CNTN5: variants seen among roughly 807,000 people sequenced by gnomAD.
CNTN5 encodes contactin 5.
In CNTN5, 77 loss-of-function variants were observed where a neutral mutation model predicts 129.1. The observed-to-expected ratio is 0.60, with a 90% CI of 0.50 to 0.72. CNTN5 has a LOEUF of 0.72. Ranked by LOEUF, CNTN5 falls within the 30% of genes least tolerant of loss-of-function variation. The pLI, the probability that CNTN5 is intolerant of heterozygous loss-of-function variation, is 0.00. For missense variants in CNTN5, 1,478 were observed against 1,328.8 expected, an observed-to-expected ratio of 1.11 and a Z score of -1.75; for synonymous variants, 509 against 465.6, an observed-to-expected ratio of 1.09 and a Z score of -1.20.
chr11:99,692,557 G>T (rs1340813688), intron 3 of CNTN5, among the ~76,000 whole-genome samples: 1 of 151,804 alleles, frequency 6.6e-6, no homozygotes, highest in Admixed American at 6.6e-5. Flanking sequence ...TTGAATATTT[G>T]CCCTCAATCT....
At chr11:99,327,605 T>A (rs997680229) in intron 2 of CNTN5, among the ~76,000 whole-genome samples, 1 of 152,128 alleles carries the variant, frequency 6.6e-6, no homozygotes, top group Non-Finnish European at 1.5e-5. Context: ...TTGAAGCAAA[T>A]GAGACAAACT....
chr11:100,067,858 A>C (rs1943756246), intron 10 of CNTN5, among the ~76,000 whole-genome samples: 1 of 152,062 alleles, frequency 6.6e-6, no homozygotes, highest in African/African-American at 2.4e-5. Flanking sequence ...GAAAGGAAGG[A>C]AAAAATTAAT....
At chr11:99,720,885 G>C (rs768949077) in intron 3 of CNTN5, among the ~76,000 whole-genome samples, 2 of 152,080 alleles carry the variant, frequency 1.3e-5, no homozygotes, top group Non-Finnish European at 2.9e-5. Context: ...TATCAGAGAA[G>C]CAATCCCATT....
rs192134575 is a variant in CNTN5, at chr11:100,272,711, A to G, written c.2314+1470A>G. On this transcript the variant is annotated intron_variant, in intron 18 of 24. Transcript: ENST00000524871. Reference sequence around the variant, plus strand: ...ATTGGGGGAAAACGTTGGGACCCCTACGCGGGGCTACAGCACACCCGGATT... The same window carrying G: ...ATTGGGGGAAAACGTTGGGACCCCTGCGCGGGGCTACAGCACACCCGGATT... Among the ~76,000 whole-genome samples, 408 of 152,242 alleles carry G rather than the reference A, an allele frequency of 2.7e-3. 2 individuals carry two copies. Among genetic ancestry groups the G allele is most frequent in the African/African-American group, 9.4e-3 (389 of 41,536 alleles).
chr11:100,034,833 G>A (rs531818360), intron 9 of CNTN5, among the ~76,000 whole-genome samples: 9 of 152,198 alleles, frequency 5.9e-5, no homozygotes, highest in East Asian at 3.9e-4. Context: ...ACACTTCAAC[G>A]TTTTCAGTAA....
intron 3 of CNTN5, among the ~76,000 whole-genome samples, chr11:99,768,657 A>G (rs982802594): frequency 1.7e-4 from 26 of 152,094 alleles, no homozygotes; most frequent in Non-Finnish European, 1.5e-5. Context: ...AACTATTTTG[A>G]TAAAAAATGT....
intron 2 of CNTN5, among the ~76,000 whole-genome samples, chr11:99,363,075 A>G (rs1272386650): frequency 6.6e-6 from 1 of 152,146 alleles, no homozygotes; most frequent in Non-Finnish European, 1.5e-5. Context: ...GGATTTTGAT[A>G]AGGATTGTAC....
At chr11:99,869,123 T>G (rs967884608) in intron 6 of CNTN5, among the ~76,000 whole-genome samples, 1 of 152,174 alleles carries the variant, frequency 6.6e-6, no homozygotes, top group Non-Finnish European at 1.5e-5. Flanking sequence ...AATAAAACAT[T>G]ATGTTTCAGA....
At chr11:99,795,869 T>G (rs1471530621) in intron 3 of CNTN5, among the ~76,000 whole-genome samples, 3 of 152,072 alleles carry the variant, frequency 2.0e-5, no homozygotes, top group Non-Finnish European at 4.4e-5. Context: ...TTCTAAGGTA[T>G]TTTTGGACCA....
rs1947640411 is a variant in CNTN5 at position 99,845,057 on chromosome 11, T to C, written c.402-30T>C. 16 of 1,612,196 alleles carry C rather than the reference T, an allele frequency of 9.9e-6. No homozygotes were observed. In the East Asian group the frequency reaches 3.6e-4, roughly 36 times the overall value. ...ATTCTGACACTCTCAGGGAGGATTA[T>C]ACATATTTGTCTTCTGATTTTTTCC... On this transcript the variant is annotated intron_variant, in intron 5 of 24. Transcript: ENST00000524871.
intron 1 of CNTN5, among the ~76,000 whole-genome samples, chr11:99,281,688 T>G (rs1348152583): frequency 6.6e-6 from 1 of 152,092 alleles, no homozygotes; most frequent in Admixed American, 6.6e-5. Flanking sequence ...TTGTTTACTT[T>G]ATTTCAATAT....
chr11:99,329,894 T>A (rs11219415), intron 2 of CNTN5, among the ~76,000 whole-genome samples: 10,374 of 145,884 alleles, frequency 0.071, 1,006 homozygotes, highest in African/African-American at 0.22. Flanking sequence ...CTTATCTATA[T>A]CTGTACATAT....
rs199757168 is a variant in CNTN5 at position 99,732,935 on chromosome 11, TTTGA to T, written c.56-86605_56-86602del. 8.4e-3 allele frequency among the ~76,000 whole-genome samples: 1,282 copies of T among 152,224 alleles called. 19 individuals carry two copies. The highest frequency in any genetic ancestry group is 0.03 in the African/African-American group (1,232 of 41,530). On this transcript the variant is annotated intron_variant, in intron 3 of 24. Transcript: ENST00000524871. ...AAAAGATATGCCTTTTATTGACATC[TTTGA>T]TTGGTGTGTCAGGCATAAAAAAAGC...
intron 9 of CNTN5, among the ~76,000 whole-genome samples, chr11:100,044,744 CAT>C (rs1051918476): frequency 6.7e-6 from 1 of 149,542 alleles, no homozygotes; most frequent in African/African-American, 2.4e-5. Context: ...CTGTCAGATG[CAT>C]AGTTTGCAAA....
At chr11:99,297,464 C>T (rs1222448365) in intron 1 of CNTN5, among the ~76,000 whole-genome samples, 1 of 132,114 alleles carries the variant, frequency 7.6e-6, no homozygotes, top group Admixed American at 7.4e-5. Flanking sequence ...AAGAGAAGAG[C>T]AGATGACATG....
intron 1 of CNTN5, among the ~76,000 whole-genome samples, chr11:99,217,878 C>T (rs1414180222): frequency 1.3e-5 from 2 of 152,082 alleles, no homozygotes; most frequent in African/African-American, 4.8e-5. Flanking sequence ...ACCTCCTTTC[C>T]AAGCATCATA....
intron 1 of CNTN5, among the ~76,000 whole-genome samples, chr11:99,117,241 T>C (rs12576647): frequency 0.54 from 81,820 of 151,890 alleles, 22,501 homozygotes; most frequent in Admixed American, 0.64. Flanking sequence ...TATAGGCAAA[T>C]GCATGAATCA....
At chr11:100,141,584 T>C (rs1946698752) in intron 13 of CNTN5, among the ~76,000 whole-genome samples, 1 of 152,134 alleles carries the variant, frequency 6.6e-6, no homozygotes. Context: ...CTTCTCAGAG[T>C]GAAAACATCT....
chr11:99,876,964 A>G (rs1267216657), intron 6 of CNTN5, among the ~76,000 whole-genome samples: 3 of 152,102 alleles, frequency 2.0e-5, no homozygotes, highest in Non-Finnish European at 4.4e-5. Flanking sequence ...TATTCTTTTA[A>G]ATGATTTTCT....
Sources: gnomAD v4.1 joint callset for allele counts (sites outside exome capture counted in the v4.1 genomes callset) on GRCh38, gnomAD v4.1.1 for gene constraint, MANE v1.5 for transcripts, NCBI Gene and HGNC (gene_info 2026-07-23, HGNC 2026-07-21) for gene names.